The following SIPA1L2 variants were observed in gnomAD, a reference collection of about 807,000 sequenced individuals.
SIPA1L2 encodes signal-induced proliferation-associated 1-like protein 2.
SIPA1L2 carries 56 observed loss-of-function variants against 163.9 expected under a neutral mutation model. The ratio of observed to expected loss-of-function variants is 0.34; its 90% CI spans 0.28 to 0.43. The LOEUF is 0.43. SIPA1L2 is among the 20% of genes least tolerant of loss of function. The probability of loss-of-function intolerance (pLI) is 1.00; values close to 1 mark genes in which losing one functional copy is unlikely to be tolerated. For synonymous variants in SIPA1L2, 877 were observed against 865.7 expected (o/e 1.01, Z -0.23); for missense variants, 1,974 against 2,193.5 (o/e 0.90, Z 2.00).
intron 1 of SIPA1L2, among the ~76,000 whole-genome samples, chr1:232,628,084 T>C (rs2102900623): frequency 1.3e-5 from 2 of 152,350 alleles, no homozygotes; most frequent in South Asian, 4.1e-4. Flanking sequence ...TAGGCAAGAT[T>C]TGGACAGGCT....
chr1:232,583,306 AG>A (rs1464464789), intron 1 of SIPA1L2, among the ~76,000 whole-genome samples: 5 of 152,244 alleles, frequency 3.3e-5, no homozygotes, highest in African/African-American at 9.6e-5. Flanking sequence ...GGAAAAAAAC[AG>A]GACATAAAAT....
At chr1:232,401,894 CAG>C (rs1558147443) in intron 22 of SIPA1L2, among the ~76,000 whole-genome samples, 2 of 152,338 alleles carry the variant, frequency 1.3e-5, no homozygotes, top group East Asian at 3.9e-4. Context: ...GCTGATGGAA[CAG>C]AGCTCAGCCA....
At chr1:232,603,420 G>A (rs1013311915) in intron 1 of SIPA1L2, among the ~76,000 whole-genome samples, 7 of 151,976 alleles carry the variant, frequency 4.6e-5, no homozygotes, top group Admixed American at 3.3e-4. Flanking sequence ...GAGAGGTGGA[G>A]AGGCCAGCAA....
intron 18 of SIPA1L2, among the ~76,000 whole-genome samples, chr1:232,422,190 C>T (rs1167920221): frequency 2.6e-5 from 4 of 152,066 alleles, no homozygotes; most frequent in African/African-American, 7.3e-5. Context: ...AAAGGCAAGG[C>T]AGAAATGTTT....
chr1:232,502,532 G>A (rs567489262), intron 3 of SIPA1L2, among the ~76,000 whole-genome samples: 2 of 151,972 alleles, frequency 1.3e-5, no homozygotes, highest in African/African-American at 4.8e-5. Context: ...TCTAAAATTT[G>A]TATATTCCCC....
chr1:232,533,241 G>A (rs900488448), intron 2 of SIPA1L2, among the ~76,000 whole-genome samples: 7 of 152,142 alleles, frequency 4.6e-5, no homozygotes, highest in Admixed American at 3.9e-4. Context: ...TCATCTTTGA[G>A]ATCCACAGGG....
Position 232,515,135 on chromosome 1 carries a change from G to T in SIPA1L2, c.205C>A (p.Pro69Thr), listed in dbSNP as rs754566388. The T allele has an allele frequency of 6.8e-6, 11 of 1,613,862 alleles. No homozygotes were observed. The highest frequency in any genetic ancestry group is 1.7e-6 in the Non-Finnish European group (2 of 1,179,916). The change falls in exon 3 of 23, where the codon CCA (proline) becomes ACA (threonine). Residue 69 changes from proline to threonine, a missense_variant. Transcript: ENST00000674635. The stretch of plus-strand genomic sequence containing the variant: ...CTCACACCCATCTTGGGCACAGCTG[G>T]GGTACCATTAGCCGGACCACCACCG... The part of the protein sequence containing the change: ...TGGGGPANGT[P>T]AVPKMGVRAR...
At chr1:232,477,064 C>G (rs1259086820) in intron 7 of SIPA1L2, among the ~76,000 whole-genome samples, 1 of 152,180 alleles carries the variant, frequency 6.6e-6, no homozygotes, top group Non-Finnish European at 1.5e-5. Context: ...AACTCATTAA[C>G]AAATTTGGAA....
chr1:232,449,784 G>A (rs896000689), intron 10 of SIPA1L2, among the ~76,000 whole-genome samples: 1 of 151,988 alleles, frequency 6.6e-6, no homozygotes, highest in South Asian at 2.1e-4. Context: ...GTAAGCCTAC[G>A]GTTCTGGGGA....
chr1:232,466,418 C>T lies in SIPA1L2; in HGVS notation c.2244-1002G>A, dbSNP rs185272766. ...AATCTATTAAAACCAATAACGCTCCCCTACATCAGAGAGTTGCTTTAGTTA... is the reference window on the plus strand; with the variant it reads ...AATCTATTAAAACCAATAACGCTCCTCTACATCAGAGAGTTGCTTTAGTTA... On this transcript the variant is annotated intron_variant, in intron 8 of 22. Transcript: ENST00000674635. 1.7e-3 allele frequency among the ~76,000 whole-genome samples: 253 copies of T among 152,252 alleles called. 5 individuals are homozygous for T. Among genetic ancestry groups the T allele is most frequent in the Admixed American group, 0.015 (236 of 15,298 alleles).
chr1:232,575,244 T>C (rs1660016391), intron 1 of SIPA1L2, among the ~76,000 whole-genome samples: 1 of 152,168 alleles, frequency 6.6e-6, no homozygotes, highest in East Asian at 1.9e-4. Flanking sequence ...CCAGCACTGC[T>C]TCCTAAAAAA....
Position 232,441,784 on chromosome 1 carries a change from T to C in SIPA1L2, c.3522A>G (p.Glu1174=), listed in dbSNP as rs763229205. The part of the protein sequence containing the change: ...DGAREREDTM[E]ASRHPETKWH... Reference sequence around the variant, plus strand: ...CCTTATTACCCGGGTGCCTGCTTGCTTCCATGGTGTCTTCCCTCTCCCTGG... The same window carrying C: ...CCTTATTACCCGGGTGCCTGCTTGCCTCCATGGTGTCTTCCCTCTCCCTGG... The change falls in exon 13 of 23, where the codon GAA becomes GAG. Residue 1174 remains glutamate, a synonymous_variant. Transcript: ENST00000674635. 1.2e-6 allele frequency: 2 copies of C among 1,613,958 alleles called. No homozygotes were observed. Among genetic ancestry groups the C allele is most frequent in the Admixed American group, 1.7e-5 (1 of 60,002 alleles).
rs144344181 is a variant in SIPA1L2 at position 232,428,657 on chromosome 1, A to C, written c.4257-93T>G. The C allele has an allele frequency of 1.1e-3, 995 of 876,236 alleles. 1 individual carries two copies. The highest frequency in any genetic ancestry group is 2.5e-3 in the Middle Eastern group (8 of 3,256). The allele number at this position is 876,236 out of a possible 1,614,324, so 54.3% of individuals were successfully genotyped here. A position where few individuals can be genotyped will look rare whatever the true frequency, so the allele number is the denominator to read the frequency against. ...CCTAGGAAGCAGTTTCAACAGCCACAAACGCATACAAACACTTCTTAGGTC... is the reference window on the plus strand; with the variant it reads ...CCTAGGAAGCAGTTTCAACAGCCACCAACGCATACAAACACTTCTTAGGTC... On this transcript the variant is annotated intron_variant, in intron 16 of 22. Transcript: ENST00000674635.
rs1371401475 is a variant in SIPA1L2, at chr1:232,465,417, C to T, written c.2244-1G>A. ...ATCTTTTGATCTGGAAACTCCAACA[C>T]TGAGGAAGTAAAAACAGAAACAAAA... On this transcript the variant is annotated splice_acceptor_variant, in intron 8 of 22. Transcript: ENST00000674635. LOFTEE classifies it high-confidence loss of function. The surrounding 1 kb of genome is among the most constrained non-coding windows in gnomAD (Gnocchi z 4.1). The T allele has an allele frequency of 6.3e-7, 1 of 1,593,852 alleles. No individual in the cohort carries two copies. Among genetic ancestry groups the T allele is most frequent in the African/African-American group, 1.4e-5 (1 of 73,876 alleles).
At chr1:232,620,607 C>A (rs780726109) in intron 1 of SIPA1L2, among the ~76,000 whole-genome samples, 1 of 152,164 alleles carries the variant, frequency 6.6e-6, no homozygotes, top group Admixed American at 6.5e-5. Context: ...CATAACCAGA[C>A]GCACAGCGAC....
chr1:232,445,436 C>T, intron 11 of SIPA1L2, 93 bp downstream of exon 11: 1 of 1,564,594 alleles, frequency 6.4e-7, no homozygotes, highest in Non-Finnish European at 8.7e-7. Flanking sequence ...CAAGCTAACT[C>T]AGAAGTGATT....
intron 3 of SIPA1L2, among the ~76,000 whole-genome samples, chr1:232,512,038 C>T (rs1667002565): frequency 6.6e-6 from 1 of 152,168 alleles, no homozygotes; most frequent in Non-Finnish European, 1.5e-5. Flanking sequence ...AAGAACAAAA[C>T]AACCCCATCA....
At chr1:232,458,106 A>G (rs1664032253) in intron 10 of SIPA1L2, among the ~76,000 whole-genome samples, 1 of 152,230 alleles carries the variant, frequency 6.6e-6, no homozygotes, top group Non-Finnish European at 1.5e-5. Flanking sequence ...TACTAGGCAA[A>G]TAGCTAATTC....
At chr1:232,556,316 T>C (rs1658700094) in intron 2 of SIPA1L2, among the ~76,000 whole-genome samples, 3 of 152,260 alleles carry the variant, frequency 2.0e-5, no homozygotes, top group Admixed American at 6.5e-5. Context: ...CTGTTGTTGC[T>C]GCTGCTGCTG....
Sources: gnomAD v4.1 joint callset for allele counts (sites outside exome capture counted in the v4.1 genomes callset) on GRCh38, gnomAD v4.1.1 for gene constraint, Gnocchi (gnomAD v3.1) non-coding constraint, MANE v1.5 for transcripts, NCBI Gene and HGNC (gene_info 2026-07-23, HGNC 2026-07-21) for gene names.